Variants in GREB1L observed in about 807,000 individuals in gnomAD.
The protein encoded by GREB1L is GREB1-like protein.
A neutral mutation model predicts 200.8 loss-of-function variants in GREB1L; 17 were observed. The observed-to-expected ratio is 0.08, with a 90% confidence interval of 0.06 to 0.13. GREB1L has a LOEUF of 0.13. Among genes scored for constraint, GREB1L ranks in the 10% least tolerant of loss-of-function variants. GREB1L has a pLI of 1.00. For missense variants in GREB1L, 1,657 were observed against 2,367.7 expected (o/e 0.70, Z 6.23); for synonymous variants, 789 against 893.0 (o/e 0.88, Z 2.08).
Position 21,495,677 on chromosome 18 carries a change from G to A in GREB1L, c.3038G>A (p.Arg1013Lys). 1.3e-6 allele frequency: 2 copies of A among 1,495,260 alleles called. No homozygotes were observed. Among genetic ancestry groups the A allele is most frequent in the South Asian group, 2.4e-5 (2 of 81,916 alleles). 92.6% of individuals were successfully genotyped at this position (1,495,260 alleles called of 1,614,324 possible). ...THFVARLKSW[R>K]GNEPEEWIPR... ...ACGGGTCTCTTTCTGTAGAGTTGGA[G>A]AGGAAATGAACCAGAAGAGTGGATC... Residue 1013 changes from arginine to lysine, a missense_variant, in exon 20 of 33, where the codon AGA becomes AAA. Physicochemically the swap from Arg to Lys is conservative, Grantham distance 26 (BLOSUM62 2). Transcript: ENST00000424526.
At chr18:21,403,104 CT>C (rs1240603562) in intron 6 of GREB1L, among the ~76,000 whole-genome samples, 2 of 152,072 alleles carry the variant, frequency 1.3e-5, no homozygotes, top group Admixed American at 6.6e-5. Flanking sequence ...CTGTAATTAA[CT>C]TTGTCATATA....
At position 21,249,212 on chromosome 18, in the gene GREB1L, C is replaced by T. The variant is rs549049165; in HGVS notation, c.-120+6819C>T. ...GGATCACTTTTTCTCTTGTCACAAACGCACATGAGTATGACAGAGCTTTCC... is the reference window on the plus strand; with the variant it reads ...GGATCACTTTTTCTCTTGTCACAAATGCACATGAGTATGACAGAGCTTTCC... On this transcript the variant is annotated intron_variant, in intron 1 of 32. Coordinates refer to ENST00000424526, the MANE Select transcript of GREB1L (RefSeq NM_001142966.3). 9.9e-5 allele frequency among the ~76,000 whole-genome samples: 15 copies of T among 151,906 alleles called. No individual in the cohort carries two copies. The East Asian group carries it at 1.4e-3, about 14-fold the overall frequency.
intron 7 of GREB1L, among the ~76,000 whole-genome samples, chr18:21,437,476 C>G (rs1438608108): frequency 6.6e-6 from 1 of 151,978 alleles, no homozygotes; most frequent in South Asian, 2.1e-4. Flanking sequence ...ACTTTTGAAC[C>G]TACTAATCAA....
At chr18:21,355,314 C>T (rs966555034) in intron 1 of GREB1L, among the ~76,000 whole-genome samples, 5 of 151,948 alleles carry the variant, frequency 3.3e-5, no homozygotes, top group African/African-American at 7.3e-5. Context: ...CTGCCTTAGC[C>T]TCCCAAGTAG....
At chr18:21,395,650 A>AATCCTCTGGTATATTTT in intron 5 of GREB1L, 89 bp downstream of exon 5, 1 of 904,490 alleles carries the variant, frequency 1.1e-6, no homozygotes, top group Non-Finnish European at 1.6e-6. Context: ...TTTAAAAAAT[A>AATCCTCTGGTATATTTT]TACCAGAGGA....
chr18:21,251,381 CTAAGT>C (rs896358565), intron 1 of GREB1L, among the ~76,000 whole-genome samples: 1 of 152,124 alleles, frequency 6.6e-6, no homozygotes, highest in Non-Finnish European at 1.5e-5. Flanking sequence ...GAACATAACT[CTAAGT>C]TAACTGGTAT....
chr18:21,245,660 T>G (rs2037584608), intron 1 of GREB1L, among the ~76,000 whole-genome samples: 1 of 152,222 alleles, frequency 6.6e-6, no homozygotes, highest in Non-Finnish European at 1.5e-5. Flanking sequence ...CTTCCTGTTT[T>G]TGATTTTGCA....
chr18:21,508,256 C>A lies in GREB1L; in HGVS notation c.4507C>A (p.Arg1503=), dbSNP rs561529182. The A allele has an allele frequency of 4.5e-6, 7 of 1,551,702 alleles. 1 individual carries two copies. In the South Asian group the frequency reaches 7.1e-5, roughly 16 times the overall value. Residue 1503 remains arginine, a synonymous_variant, in exon 26 of 33, where the codon CGG becomes AGG. Coordinates refer to ENST00000424526, the MANE Select transcript of GREB1L (RefSeq NM_001142966.3). ...SKQGKHLESM[R]LPLVSDKNLN... ...GCAGGGCAAGCACCTGGAGAGCATG[C>A]GGCTGCCCCTGGTTTCAGACAAGGT...
In GREB1L at chr18:21,435,559, A is replaced by G. The variant is rs141987142; in HGVS notation, c.833-3962A>G. Among the ~76,000 whole-genome samples, 34 of 152,184 alleles carry G rather than the reference A, an allele frequency of 2.2e-4. No individual in the cohort carries two copies. The East Asian group carries it at 6.4e-3, about 29-fold the overall frequency. ...CAGAGGAGCCTGGTCTTTGACAATG[A>G]GGAGATCTTCACTGTACAAAGGAGT... On this transcript the variant is annotated intron_variant, in intron 7 of 32. Transcript: ENST00000424526.
intron 1 of GREB1L, among the ~76,000 whole-genome samples, chr18:21,267,512 A>G (rs995362852): frequency 2.7e-4 from 41 of 151,988 alleles, no homozygotes; most frequent in African/African-American, 8.9e-4. Context: ...GGGCTTTTTG[A>G]GAAACCCCAC....
At chr18:21,386,014 G>A (rs1324091950) in intron 4 of GREB1L, among the ~76,000 whole-genome samples, 2 of 152,146 alleles carry the variant, frequency 1.3e-5, no homozygotes, top group African/African-American at 4.8e-5. Flanking sequence ...GAGATAGCCA[G>A]TATTTCTTAA....
chr18:21,490,242 G>A lies in GREB1L; in HGVS notation c.2921G>A (p.Arg974Gln), dbSNP rs2036278570. 3 of 1,551,744 alleles carry A rather than the reference G, an allele frequency of 1.9e-6. No individual in the cohort carries two copies. Among genetic ancestry groups the A allele is most frequent in the East Asian group, 2.4e-5 (1 of 40,928 alleles). ...CAGCTGGCGATGTTAGCCAAGGAGC[G>A]GCTACAGGAGGTGCGCGACAAACTG... Reference protein sequence around the residue: ...SVQLAMLAKERLQEVRDKLGL... With the variant: ...SVQLAMLAKEQLQEVRDKLGL... Residue 974 changes from arginine (R) to glutamine (Q), a missense_variant, in exon 19 of 33, where the codon CGG (arginine) becomes CAG (glutamine). By Grantham distance (43) the Arg-to-Gln change is conservative. Coordinates refer to ENST00000424526, the MANE Select transcript of GREB1L (RefSeq NM_001142966.3).
chr18:21,388,208 G>T (rs142257963), intron 4 of GREB1L, among the ~76,000 whole-genome samples: 1 of 152,118 alleles, frequency 6.6e-6, no homozygotes, highest in African/African-American at 2.4e-5. Flanking sequence ...TGCCTGTGTG[G>T]CTTGTATTGG....
At chr18:21,364,661 G>A (rs1473926502) in intron 1 of GREB1L, among the ~76,000 whole-genome samples, 3 of 152,142 alleles carry the variant, frequency 2.0e-5, no homozygotes, top group Non-Finnish European at 2.9e-5. Flanking sequence ...GGATCAGGTC[G>A]TTTAAGAGAA....
rs1352338488 is a variant in GREB1L, at chr18:21,444,409, G to A, written c.1393G>A (p.Gly465Ser). Reference protein sequence around the residue: ...LLTIQYLVRLGPDQVPLREEF... With the variant: ...LLTIQYLVRLSPDQVPLREEF... The stretch of plus-strand genomic sequence containing the variant: ...GACGATACAGTATCTTGTGCGGCTG[G>A]GTAAGTCATTTTCCATAATCATTTG... Residue 465 changes from glycine (G) to serine (S), a missense_variant and splice_region_variant, in exon 11 of 33, where the codon GGT becomes AGT. Around this residue, in one of 9 missense-constraint regions of GREB1L, gnomAD observed 289 missense variants for 345.1 expected, o/e 0.84. Coordinates refer to ENST00000424526, the MANE Select transcript of GREB1L (RefSeq NM_001142966.3). 2 of 1,548,612 alleles carry A rather than the reference G, an allele frequency of 1.3e-6. No individual in the cohort carries two copies. The highest frequency in any genetic ancestry group is 1.7e-6 in the Non-Finnish European group (2 of 1,145,224).
At chr18:21,244,841 C>T (rs1369163490) in intron 1 of GREB1L, among the ~76,000 whole-genome samples, 2 of 152,234 alleles carry the variant, frequency 1.3e-5, no homozygotes, top group South Asian at 2.1e-4. Context: ...GAATTCTCCT[C>T]GCAGCCCACA....
chr18:21,505,207 G>C (rs148954637), intron 23 of GREB1L, among the ~76,000 whole-genome samples: 2 of 152,304 alleles, frequency 1.3e-5, no homozygotes, highest in African/African-American at 4.8e-5. Context: ...CTGCAGAGAC[G>C]AATGCTGGGG....
chr18:21,432,896 G>A (rs754258019), intron 7 of GREB1L, among the ~76,000 whole-genome samples: 2 of 151,580 alleles, frequency 1.3e-5, no homozygotes, highest in Non-Finnish European at 2.9e-5. Context: ...TAGTAGGGAC[G>A]AGGTTTCCCC....
At chr18:21,320,511 C>A (rs2038935030) in intron 1 of GREB1L, among the ~76,000 whole-genome samples, 1 of 152,084 alleles carries the variant, frequency 6.6e-6, no homozygotes, top group Admixed American at 6.5e-5. Flanking sequence ...CGCCTGTAAT[C>A]CCAGCACTTT....
Sources: gnomAD v4.1 joint callset for allele counts (sites outside exome capture counted in the v4.1 genomes callset) on GRCh38, gnomAD v4.1.1 for gene constraint, gnomAD v4.1.1 regional missense constraint, MANE v1.5 for transcripts, NCBI Gene and HGNC (gene_info 2026-07-23, HGNC 2026-07-21) for gene names.